MAPK10: variants seen among roughly 807,000 people sequenced by gnomAD.
MAPK10 encodes JNK3 alpha protein kinase.
MAPK10 carries 25 observed loss-of-function variants against 59.3 expected under a neutral mutation model. The observed-to-expected ratio is 0.42, with a 90% CI of 0.31 to 0.59. The LOEUF is 0.59. MAPK10 is among the 20% of genes least tolerant of loss of function. The pLI, the probability that MAPK10 is intolerant of heterozygous loss-of-function variation, is 0.15. For synonymous variants in MAPK10, 190 were observed against 200.5 expected (o/e 0.95, Z 0.44); for missense variants, 351 against 568.9 (o/e 0.62, Z 3.90).
chr4:86,076,711 A>C (rs1205540606), intron 9 of MAPK10, among the ~76,000 whole-genome samples: 2 of 152,200 alleles, frequency 1.3e-5, no homozygotes, highest in East Asian at 3.9e-4. Flanking sequence ...GGTGATTTTT[A>C]AATGGGAAAA....
At chr4:86,121,922 T>G (rs2059322030) in intron 4 of MAPK10, among the ~76,000 whole-genome samples, 1 of 152,130 alleles carries the variant, frequency 6.6e-6, no homozygotes, top group Non-Finnish European at 1.5e-5. Flanking sequence ...TATTCTCTAC[T>G]TCTCTAAACT....
chr4:86,551,224 T>C (rs1759748982), intron 1 of MAPK10, among the ~76,000 whole-genome samples: 1 of 152,236 alleles, frequency 6.6e-6, no homozygotes, highest in Admixed American at 6.5e-5. Flanking sequence ...TTCATTTACA[T>C]TACTTTAAAG....
In MAPK10 at chr4:86,202,819, G is replaced by A. The variant is rs148693964; in HGVS notation, c.-6-8412C>T. 5.3e-5 allele frequency among the ~76,000 whole-genome samples: 8 copies of A among 152,068 alleles called. No individual in the cohort carries two copies. In the East Asian group the frequency reaches 1.5e-3, roughly 29 times the overall value. The stretch of plus-strand genomic sequence containing the variant: ...CAGGCATCCTGATCTTTCCTAGTTT[G>A]CATTACAAAGACTCCAGTGTAACAC... On this transcript the variant is annotated intron_variant, in intron 2 of 13. Transcript: ENST00000641462.
intron 4 of MAPK10, among the ~76,000 whole-genome samples, chr4:86,136,249 T>A (rs2062057969): frequency 1.3e-5 from 2 of 151,696 alleles, no homozygotes. Context: ...TCACCAAAGT[T>A]GAAATAAAGG....
At chr4:86,474,693 C>G (rs568278283) in intron 1 of MAPK10, among the ~76,000 whole-genome samples, 5 of 152,284 alleles carry the variant, frequency 3.3e-5, no homozygotes, top group African/African-American at 1.2e-4. Context: ...AAAGTACTGA[C>G]TAGCAGCTAA....
Position 86,029,291 on chromosome 4 carries a change from T to C in MAPK10, c.1175-17A>G. 6.5e-7 allele frequency: 1 copy of C among 1,529,598 alleles called. No individual in the cohort carries two copies. Among genetic ancestry groups the C allele is most frequent in the Non-Finnish European group, 9.1e-7 (1 of 1,104,766 alleles). The allele number at this position is 1,529,598 out of a possible 1,614,324, so 94.8% of individuals were successfully genotyped here. The stretch of plus-strand genomic sequence containing the variant: ...AGATAAGTTCTGTAAGAAACAGCTG[T>C]GTTATTATAGAAAACAAATTTATCC... On this transcript the variant is annotated splice_polypyrimidine_tract_variant and intron_variant, in intron 12 of 13. Transcript: ENST00000641462.
At chr4:86,046,778 A>C (rs1035075595) in intron 11 of MAPK10, among the ~76,000 whole-genome samples, 2 of 152,086 alleles carry the variant, frequency 1.3e-5, no homozygotes, top group African/African-American at 4.8e-5. Flanking sequence ...CCTGAGCTTT[A>C]GTGTCTTCAA....
chr4:86,327,794 A>AAAAAAAAAAAAAAAAAC, intron 2 of MAPK10: 1 of 146,280 alleles, frequency 6.8e-6, no homozygotes, highest in African/African-American at 2.5e-5. Context: ...ACAAAAAAAA[A>AAAAAAAAAAAAAAAAAC]AAAAAAAAAG....
chr4:86,306,996 G>A (rs1220287818), intron 2 of MAPK10, among the ~76,000 whole-genome samples: 1 of 152,084 alleles, frequency 6.6e-6, no homozygotes, highest in East Asian at 1.9e-4. Flanking sequence ...TTCTAAATCT[G>A]GGCAGTCATT....
chr4:86,361,205 C>A (rs747808457), upstream of MAPK10, among the ~76,000 whole-genome samples: 1 of 152,154 alleles, frequency 6.6e-6, no homozygotes, highest in African/African-American at 2.4e-5. Context: ...GAAACGCATA[C>A]GTTTTTGTTG....
At chr4:86,229,786 T>C (rs1235325521) in intron 2 of MAPK10, among the ~76,000 whole-genome samples, 2 of 152,148 alleles carry the variant, frequency 1.3e-5, no homozygotes, top group Non-Finnish European at 2.9e-5. Flanking sequence ...CAAGGCATGG[T>C]GGCTCATGCC....
chr4:86,220,987 T>G (rs2089394805), intron 2 of MAPK10, among the ~76,000 whole-genome samples: 1 of 151,362 alleles, frequency 6.6e-6, no homozygotes, highest in South Asian at 2.1e-4. Flanking sequence ...TCCTCTCCAA[T>G]GAACATCTTT....
chr4:86,047,227 G>A (rs1027534103), intron 11 of MAPK10, among the ~76,000 whole-genome samples: 1 of 152,014 alleles, frequency 6.6e-6, no homozygotes, highest in Non-Finnish European at 1.5e-5. Context: ...GTTACATGAC[G>A]GGCAAGGGGG....
intron 4 of MAPK10, among the ~76,000 whole-genome samples, chr4:86,112,833 C>T (rs946611640): frequency 6.6e-5 from 10 of 152,008 alleles, no homozygotes; most frequent in Admixed American, 6.6e-4. Context: ...TCCACTATTA[C>T]TGTGTGGGAG....
intron 1 of MAPK10, among the ~76,000 whole-genome samples, chr4:86,376,126 A>G (rs1178998734): frequency 6.6e-6 from 1 of 152,194 alleles, no homozygotes; most frequent in African/African-American, 2.4e-5. Context: ...TTCTAACATA[A>G]AGGAAGGTAT....
At position 86,252,018 on chromosome 4, in the gene MAPK10, G is replaced by A. The variant is rs1195533840; in HGVS notation, c.-6-57611C>T. On this transcript the variant is annotated intron_variant, in intron 2 of 13. Transcript: ENST00000641462. ...CATGTCCTTCACCCACTTTTTGATG[G>A]GGTTGTTTTTTTCTTGTAAATTTGT... Among the ~76,000 whole-genome samples, 378 of 114,012 alleles carry A rather than the reference G, an allele frequency of 3.3e-3. 55 individuals are homozygous for A. The highest frequency in any genetic ancestry group is 3.8e-3 in the Non-Finnish European group (227 of 60,306). 74.8% of individuals were successfully genotyped at this position (114,012 alleles called of 152,430 possible).
chr4:86,588,863 C>T (rs186974248), intron 1 of MAPK10, among the ~76,000 whole-genome samples: 401 of 152,222 alleles, frequency 2.6e-3, no homozygotes, highest in Admixed American at 5.1e-3. Context: ...AATAAATTCA[C>T]TCATACCTCC....
chr4:86,372,118 A>G (rs1431994214), intron 1 of MAPK10, among the ~76,000 whole-genome samples: 1 of 152,148 alleles, frequency 6.6e-6, no homozygotes, highest in Admixed American at 6.6e-5. Flanking sequence ...TCTAAAACCA[A>G]CCACATAATT....
intron 4 of MAPK10, among the ~76,000 whole-genome samples, chr4:86,145,967 A>G (rs1288050708): frequency 6.6e-6 from 1 of 152,232 alleles, no homozygotes; most frequent in Non-Finnish European, 1.5e-5. Context: ...AGTCCGTCTA[A>G]GAACTGGGAA....
Sources: allele counts gnomAD v4.1 joint callset (sites outside exome capture counted in the v4.1 genomes callset), GRCh38; gene constraint gnomAD v4.1.1; transcripts MANE v1.5; gene names NCBI Gene and HGNC (gene_info 2026-07-23, HGNC 2026-07-21).